FRMD5: variants seen among roughly 807,000 people sequenced by gnomAD.
FRMD5 encodes FERM domain-containing protein 5.
FRMD5 carries 20 observed loss-of-function variants against 69.0 expected under a neutral mutation model. The observed-to-expected ratio is 0.29, with a 90% CI of 0.20 to 0.42. The LOEUF is 0.42. Ranked by LOEUF, FRMD5 falls within the 10% of genes least tolerant of loss-of-function variation. FRMD5 has a pLI of 1.00. For synonymous variants in FRMD5, 271 were observed against 260.1 expected (o/e 1.04, Z -0.40); for missense variants, 595 against 708.6 (o/e 0.84, Z 1.82).
chr15:44,168,639 T>C (rs996443185), intron 1 of FRMD5, among the ~76,000 whole-genome samples: 2 of 152,214 alleles, frequency 1.3e-5, no homozygotes, highest in African/African-American at 2.4e-5. Flanking sequence ...TATTGTCCAA[T>C]CAGAGTTCAG....
chr15:44,120,533 A>ATTCT (rs752188074), intron 1 of FRMD5, among the ~76,000 whole-genome samples: 99,069 of 137,596 alleles, frequency 0.72, 40,113 homozygotes, highest in Non-Finnish European at 0.88. Context: ...GGAAGAGTGG[A>ATTCT]TTTTTTTTTT....
At chr15:43,958,169 T>C (rs2090143648) in intron 1 of FRMD5, among the ~76,000 whole-genome samples, 1 of 152,242 alleles carries the variant, frequency 6.6e-6, no homozygotes, top group African/African-American at 2.4e-5. Context: ...AATGACTCAT[T>C]TGTGCATACA....
chr15:43,919,733 G>A (rs772778713), intron 3 of FRMD5, 34 bp downstream of exon 3: 3 of 1,606,320 alleles, frequency 1.9e-6, no homozygotes, highest in Non-Finnish European at 2.6e-6. Context: ...CTCCCCAGGG[G>A]TGTGGCTTGA....
chr15:43,944,473 G>C (rs184333482), intron 1 of FRMD5, among the ~76,000 whole-genome samples: 1 of 152,246 alleles, frequency 6.6e-6, no homozygotes, highest in Admixed American at 6.5e-5. Flanking sequence ...CCAGGCTGGA[G>C]TGCAGTGGCG....
intron 1 of FRMD5, chr15:43,989,217 T>G (rs1889547236): frequency 1.2e-6 from 1 of 814,552 alleles, no homozygotes. Context: ...TGATCTTCAT[T>G]GTGCTGGGCG....
intron 1 of FRMD5, among the ~76,000 whole-genome samples, chr15:44,130,906 A>G (rs1374995536): frequency 6.6e-6 from 1 of 152,226 alleles, no homozygotes; most frequent in Non-Finnish European, 1.5e-5. Flanking sequence ...TAATAGCAGT[A>G]GCAAAAAATA....
intron 1 of FRMD5, among the ~76,000 whole-genome samples, chr15:44,051,391 G>A (rs141887224): frequency 0.025 from 3,741 of 146,968 alleles, 102 homozygotes; most frequent in African/African-American, 0.068. Flanking sequence ...GTAAAACCCC[G>A]TCTCTACTAA....
At chr15:44,051,216 A>G (rs1892651279) in intron 1 of FRMD5, among the ~76,000 whole-genome samples, 3 of 131,478 alleles carry the variant, frequency 2.3e-5, no homozygotes, top group Non-Finnish European at 3.1e-5. Context: ...CAGTCATGCA[A>G]TCTCTGCTCA....
rs540816584 is a variant in FRMD5, at chr15:43,905,762, G to A, written c.551+66C>T. The A allele has an allele frequency of 1.0e-4, 161 of 1,589,584 alleles. 2 individuals carry two copies. Among genetic ancestry groups the A allele is most frequent in the South Asian group, 8.6e-4 (78 of 90,236 alleles). On this transcript the variant is annotated intron_variant, in intron 6 of 13. Transcript: ENST00000417257. ...AGTCTGCGAGAACAGAGGACACGGC[G>A]TGGAGCCTGCGTGCTCAGGCTGTGG...
chr15:43,905,824 G>GT lies in FRMD5; in HGVS notation c.551+3dup. On this transcript the variant is annotated splice_donor_region_variant and intron_variant, in intron 6 of 13. Coordinates refer to ENST00000417257, the MANE Select transcript of FRMD5 (RefSeq NM_032892.5). Reference sequence around the variant, plus strand: ...TGTTCTGGGCCTGATTAAGTGCCACGTACCTCAGTTCCGTCTTGTGAATCT... The same window carrying GT: ...TGTTCTGGGCCTGATTAAGTGCCACGTTACCTCAGTTCCGTCTTGTGAATCT... The GT allele has an allele frequency of 6.2e-7, 1 of 1,613,994 alleles. No homozygotes were observed. The highest frequency in any genetic ancestry group is 1.1e-5 in the South Asian group (1 of 91,070).
chr15:43,919,412 T>C, intron 4 of FRMD5, 47 bp downstream of exon 4: 1 of 1,540,286 alleles, frequency 6.5e-7, no homozygotes, highest in African/African-American at 1.4e-5. Flanking sequence ...CCCTTTCCTA[T>C]GCTCTCCAAC....
intron 1 of FRMD5, among the ~76,000 whole-genome samples, chr15:44,022,881 A>G (rs1449576387): frequency 6.6e-6 from 1 of 152,192 alleles, no homozygotes; most frequent in East Asian, 1.9e-4. Context: ...TCAAGTAACT[A>G]TCAGATTAAT....
intron 4 of FRMD5, among the ~76,000 whole-genome samples, chr15:43,918,492 C>T (rs1264386005): frequency 6.6e-6 from 1 of 152,116 alleles, no homozygotes; most frequent in Non-Finnish European, 1.5e-5. Flanking sequence ...TGGAATTTTC[C>T]CAAGCAGTTA....
At chr15:43,935,059 G>A (rs1411920320) in intron 1 of FRMD5, among the ~76,000 whole-genome samples, 1 of 152,228 alleles carries the variant, frequency 6.6e-6, no homozygotes, top group African/African-American at 2.4e-5. Flanking sequence ...AAACGTGGCT[G>A]AGGCAGAAGC....
At position 44,120,348 on chromosome 15, in the gene FRMD5, G is replaced by C. The variant is rs895386036; in HGVS notation, c.102+74605C>G. Among the ~76,000 whole-genome samples, 11 of 152,154 alleles carry C rather than the reference G, an allele frequency of 7.2e-5. No homozygotes were observed. The East Asian group carries it at 1.2e-3, about 16-fold the overall frequency. On this transcript the variant is annotated intron_variant, in intron 1 of 13. Transcript: ENST00000417257. ...TAATGAGGGCCTGAAATAAGACAGA[G>C]GCAGAAGAAATGGAGAAGGGCCAGA... is the stretch of plus-strand genomic sequence containing the variant.
At chr15:44,155,063 T>C (rs577742480) in intron 1 of FRMD5, among the ~76,000 whole-genome samples, 1 of 152,248 alleles carries the variant, frequency 6.6e-6, no homozygotes, top group African/African-American at 2.4e-5. Flanking sequence ...CCATCATACA[T>C]CTATCAGCTA....
At chr15:44,041,878 A>G (rs2140317608) in intron 1 of FRMD5, among the ~76,000 whole-genome samples, 1 of 152,296 alleles carries the variant, frequency 6.6e-6, no homozygotes, top group East Asian at 1.9e-4. Flanking sequence ...GAACTAGAGA[A>G]GCAAGAGCAA....
chr15:43,878,279 G>T (rs117883811), intron 13 of FRMD5, among the ~76,000 whole-genome samples: 28 of 152,076 alleles, frequency 1.8e-4, no homozygotes, highest in African/African-American at 6.8e-4. Flanking sequence ...AAGTTTAATT[G>T]TACATCATTT....
At chr15:43,894,846 C>T (rs2088877467) in intron 7 of FRMD5, among the ~76,000 whole-genome samples, 1 of 152,186 alleles carries the variant, frequency 6.6e-6, no homozygotes, top group Admixed American at 6.5e-5. Context: ...TGGCCAGGTC[C>T]TTAATTTCTC....
Sources: gnomAD v4.1 joint callset for allele counts (sites outside exome capture counted in the v4.1 genomes callset) on GRCh38, gnomAD v4.1.1 for gene constraint, MANE v1.5 for transcripts, NCBI Gene and HGNC (gene_info 2026-07-23, HGNC 2026-07-21) for gene names.